The following ENTREP2 variants were observed in gnomAD, a reference collection of about 807,000 sequenced individuals.
The protein encoded by ENTREP2 is endosomal transmembrane epsin interactor 2.
At chr15:29,582,663 T>A in the ENTREP2 span, among the ~76,000 whole-genome samples, 40 of 152,228 alleles carry the variant, frequency 2.6e-4, no homozygotes, top group African/African-American at 9.1e-4. Flanking sequence ...TTTTATTATT[T>A]TTTTTTGAGA....
the ENTREP2 span, among the ~76,000 whole-genome samples, chr15:29,297,479 T>C: frequency 1.3e-5 from 2 of 152,172 alleles, no homozygotes; most frequent in African/African-American, 4.8e-5. Context: ...ACTAGTACCA[T>C]CTCTATATCA....
chr15:29,519,315 T>C, the ENTREP2 span, among the ~76,000 whole-genome samples: 1 of 151,952 alleles, frequency 6.6e-6, no homozygotes, highest in Admixed American at 6.6e-5. Context: ...TATATGTGGA[T>C]TTTTTTCCAT....
the ENTREP2 span, among the ~76,000 whole-genome samples, chr15:29,648,248 G>C: frequency 6.6e-6 from 1 of 152,152 alleles, no homozygotes. Context: ...CAGTGGCTAG[G>C]GTTTTCTTCC....
At chr15:29,245,461 C>G in the ENTREP2 span, among the ~76,000 whole-genome samples, 1 of 151,694 alleles carries the variant, frequency 6.6e-6, no homozygotes, top group Non-Finnish European at 1.5e-5. Flanking sequence ...GGTTAAAATA[C>G]GTAAATGAAT....
At chr15:29,142,105 G>C in the ENTREP2 span, among the ~76,000 whole-genome samples, 6 of 152,258 alleles carry the variant, frequency 3.9e-5, no homozygotes, top group African/African-American at 1.4e-4. Context: ...TCTAAGAGCA[G>C]AGAAGAATCA....
chr15:29,403,358 T>C, the ENTREP2 span, among the ~76,000 whole-genome samples: 7 of 152,194 alleles, frequency 4.6e-5, no homozygotes, highest in Non-Finnish European at 8.8e-5. Context: ...ATTGCCCTGC[T>C]TGAAAAAGAG....
chr15:29,123,214 G>GT, the ENTREP2 span: 1 of 1,039,664 alleles, frequency 9.6e-7, no homozygotes, highest in Non-Finnish European at 1.4e-6. Context: ...ATCATCCTGG[G>GT]TGTCCCCCCC....
chr15:29,336,594 A>G, the ENTREP2 span, among the ~76,000 whole-genome samples: 1 of 152,046 alleles, frequency 6.6e-6, no homozygotes, highest in Non-Finnish European at 1.5e-5. Context: ...TACAGATGTG[A>G]GCCACCGCGC....
At chr15:29,285,567 A>G in the ENTREP2 span, among the ~76,000 whole-genome samples, 3 of 152,248 alleles carry the variant, frequency 2.0e-5, no homozygotes, top group Non-Finnish European at 4.4e-5. Context: ...TGAATCTGGA[A>G]TTCCAAACTT....
At chr15:29,580,265 G>A in the ENTREP2 span, among the ~76,000 whole-genome samples, 1 of 152,084 alleles carries the variant, frequency 6.6e-6, no homozygotes, top group Admixed American at 6.6e-5. Flanking sequence ...CTAAAAGTCA[G>A]GGCAGCAGAA....
At chr15:29,631,447 C>A in the ENTREP2 span, among the ~76,000 whole-genome samples, 21 of 152,264 alleles carry the variant, frequency 1.4e-4, no homozygotes, top group South Asian at 4.1e-4. Context: ...CCTTAGGCTG[C>A]GGGTCCAATG....
At chr15:29,666,084 T>C in the ENTREP2 span, among the ~76,000 whole-genome samples, 4 of 151,990 alleles carry the variant, frequency 2.6e-5, no homozygotes, top group Non-Finnish European at 5.9e-5. Context: ...CTCGAACTCC[T>C]GACTTCAGGT....
the ENTREP2 span, among the ~76,000 whole-genome samples, chr15:29,200,476 T>A: frequency 6.6e-6 from 1 of 152,028 alleles, no homozygotes; most frequent in Non-Finnish European, 1.5e-5. Context: ...ACACCTCGTC[T>A]CCATATACAT....
the ENTREP2 span, among the ~76,000 whole-genome samples, chr15:29,466,977 C>T: frequency 0.34 from 41,693 of 122,616 alleles, 6,175 homozygotes; most frequent in African/African-American, 0.42. Flanking sequence ...TGCTGCAGCC[C>T]CCAGGGGAGG....
chr15:29,129,958 G>C, the ENTREP2 span, among the ~76,000 whole-genome samples: 1 of 152,220 alleles, frequency 6.6e-6, no homozygotes, highest in African/African-American at 2.4e-5. Context: ...AGGAGACTGG[G>C]AAGGTGAGGG....
At chr15:29,654,391 A>T in the ENTREP2 span, among the ~76,000 whole-genome samples, 1 of 152,220 alleles carries the variant, frequency 6.6e-6, no homozygotes, top group Non-Finnish European at 1.5e-5. Flanking sequence ...GAATTCATAT[A>T]TATTAAACAA....
At chr15:29,353,815 C>T in the ENTREP2 span, among the ~76,000 whole-genome samples, 2 of 152,132 alleles carry the variant, frequency 1.3e-5, no homozygotes, top group Non-Finnish European at 1.5e-5. Context: ...CCCCATGTTA[C>T]CAGTGGGGAG....
chr15:29,150,071 G>A, the ENTREP2 span, among the ~76,000 whole-genome samples: 1 of 152,294 alleles, frequency 6.6e-6, no homozygotes, highest in African/African-American at 2.4e-5. Flanking sequence ...GTGACAGACT[G>A]ATATTCCCTA....
the ENTREP2 span, among the ~76,000 whole-genome samples, chr15:29,344,524 T>C: frequency 1.3e-5 from 2 of 152,186 alleles, no homozygotes; most frequent in African/African-American, 4.8e-5. Flanking sequence ...CACCCTGCTA[T>C]GCACCTGCTG....
Sources: gnomAD v4.1 joint callset for allele counts (sites outside exome capture counted in the v4.1 genomes callset) on GRCh38, gnomAD v4.1.1 for gene constraint, MANE v1.5 for transcripts, NCBI Gene and HGNC (gene_info 2026-07-23, HGNC 2026-07-21) for gene names.